The following PRDM1 variants were observed in gnomAD, a reference collection of about 807,000 sequenced individuals.
The protein encoded by PRDM1 is PR/SET domain 1, also known as PR domain zinc finger protein 1.
A neutral mutation model predicts 62.8 loss-of-function variants in PRDM1; 13 were observed. The ratio of observed to expected loss-of-function variants is 0.21; its 90% CI spans 0.13 to 0.33. The LOEUF (loss-of-function observed/expected upper bound fraction) is 0.33, where lower values mean the gene tolerates loss of function less well. Ranked by LOEUF, PRDM1 falls within the 10% of genes least tolerant of loss-of-function variation. PRDM1 has a pLI of 1.00. For synonymous variants in PRDM1, 396 were observed against 417.6 expected (o/e 0.95, Z 0.63); for missense variants, 895 against 1,058.8 (o/e 0.85, Z 2.15).
chr6:106,008,234 G>C (rs1238676406), intron 1 of PRDM1, among the ~76,000 whole-genome samples: 1 of 152,158 alleles, frequency 6.6e-6, no homozygotes, highest in African/African-American at 2.4e-5. Flanking sequence ...TTAGCTGGGC[G>C]TGGTGGCGCG....
chr6:106,031,929 A>G (rs1010377587), intron 1 of PRDM1, among the ~76,000 whole-genome samples: 2 of 152,018 alleles, frequency 1.3e-5, no homozygotes, highest in African/African-American at 2.4e-5. Flanking sequence ...TGCCCAGACC[A>G]TAGCTGTCTC....
chr6:106,000,362 C>T lies in PRDM1; in HGVS notation c.-67+6723C>T, dbSNP rs1444135610. ...GAGGCAGAGGCTGAGGTAGGAGGAT[C>T]GCTTGAAGCCAGAGGTTCAAGGCTG... On this transcript the variant is annotated intron_variant, in intron 1 of 6. Coordinates refer to the PRDM1 transcript ENST00000652320. 5.3e-5 allele frequency among the ~76,000 whole-genome samples: 8 copies of T among 152,258 alleles called. No homozygotes were observed. In the East Asian group the frequency reaches 9.6e-4, roughly 18 times the overall value.
intron 2 of PRDM1, among the ~76,000 whole-genome samples, chr6:106,090,949 T>C (rs1370559138): frequency 6.6e-6 from 1 of 152,150 alleles, no homozygotes; most frequent in Non-Finnish European, 1.5e-5. Context: ...ATTTTTAGAT[T>C]GGGTTTAGAA....
At chr6:106,044,042 C>A (rs956807056), upstream of PRDM1, among the ~76,000 whole-genome samples, 2 of 152,066 alleles carry the variant, frequency 1.3e-5, no homozygotes, top group African/African-American at 4.8e-5. Context: ...CCTCCTTAAC[C>A]CCACTATATG....
chr6:106,031,900 G>A (rs1472605798), intron 1 of PRDM1, among the ~76,000 whole-genome samples: 1 of 151,970 alleles, frequency 6.6e-6, no homozygotes, highest in Non-Finnish European at 1.5e-5. Context: ...TCCCAGTTTT[G>A]TTTTTTTAAC....
intron 1 of PRDM1, among the ~76,000 whole-genome samples, chr6:106,065,308 T>C (rs1773415919): frequency 6.6e-6 from 1 of 152,164 alleles, no homozygotes; most frequent in South Asian, 2.1e-4. Flanking sequence ...ATATATTATT[T>C]ATTCAACAAA....
At chr6:106,071,763 C>T (rs1184022636) in intron 1 of PRDM1, among the ~76,000 whole-genome samples, 1 of 148,906 alleles carries the variant, frequency 6.7e-6, no homozygotes, top group Non-Finnish European at 1.5e-5. Context: ...GAATGTTCCA[C>T]AACCACAGTA....
chr6:106,105,059 C>A lies in PRDM1; in HGVS notation c.899C>A (p.Pro300His), dbSNP rs1364990863. ...CCCTTCTACCCTCGGGTCGTTTACC[C>A]CATCCGGGCCCCTCTGCCAGAAGAC... is the stretch of plus-strand genomic sequence containing the variant. ...EMPFYPRVVY[P>H]IRAPLPEDFL... Residue 300 changes from proline to histidine, a missense_variant, in exon 5 of 7, where the codon CCC becomes CAC. Pro to His is a moderately conservative substitution (Grantham distance 77, BLOSUM62 -2). Transcript: ENST00000369096. 1 of 1,614,040 alleles carries A rather than the reference C, an allele frequency of 6.2e-7. No individual in the cohort carries two copies. The highest frequency in any genetic ancestry group is 1.3e-5 in the African/African-American group (1 of 74,912).
intron 1 of PRDM1, among the ~76,000 whole-genome samples, chr6:106,009,638 A>T (rs1364518023): frequency 6.6e-6 from 1 of 152,188 alleles, no homozygotes; most frequent in Non-Finnish European, 1.5e-5. Flanking sequence ...TATGAGAGAG[A>T]GCCCTGAAAC....
At chr6:105,997,256 A>G (rs996981723) in intron 1 of PRDM1, among the ~76,000 whole-genome samples, 3 of 152,168 alleles carry the variant, frequency 2.0e-5, no homozygotes, top group African/African-American at 7.2e-5. Context: ...CTACCTTTTA[A>G]TAGAATCTCT....
chr6:106,070,986 A>C (rs1276304090), intron 1 of PRDM1, among the ~76,000 whole-genome samples: 2 of 152,168 alleles, frequency 1.3e-5, no homozygotes, highest in African/African-American at 4.8e-5. Flanking sequence ...AATGCATCTT[A>C]TTGGCCTGAT....
rs976172531 is a variant in PRDM1, at chr6:105,994,914, C to T, written c.-67+1275C>T. 1.3e-5 allele frequency among the ~76,000 whole-genome samples: 2 copies of T among 152,180 alleles called. No homozygotes were observed. The highest frequency in any genetic ancestry group is 2.9e-5 in the Non-Finnish European group (2 of 68,022). On this transcript the variant is annotated intron_variant, in intron 1 of 6. Transcript: ENST00000652320. The surrounding 1 kb of genome is among the most constrained non-coding windows in gnomAD (Gnocchi z 4.1). Reference sequence around the variant, plus strand: ...ACGGCGCGCTTGTCGCGGGAGCCTCCCGGCTTGCGGAGGGCTTGAGTTTTT... The same window carrying T: ...ACGGCGCGCTTGTCGCGGGAGCCTCTCGGCTTGCGGAGGGCTTGAGTTTTT...
intron 1 of PRDM1, among the ~76,000 whole-genome samples, chr6:106,040,908 C>T (rs952063811): frequency 6.6e-6 from 1 of 152,182 alleles, no homozygotes; most frequent in African/African-American, 2.4e-5. Context: ...GTCACTGTTA[C>T]AGGTCTTAAT....
At chr6:106,053,821 A>AC (rs1322955359) in intron 1 of PRDM1, among the ~76,000 whole-genome samples, 5 of 86,240 alleles carry the variant, frequency 5.8e-5, no homozygotes, top group African/African-American at 4.5e-5. Flanking sequence ...TGTGCCCACC[A>AC]CCCCCCAGCC....
chr6:106,032,630 G>T (rs1772860885), intron 1 of PRDM1, among the ~76,000 whole-genome samples: 2 of 151,862 alleles, frequency 1.3e-5, no homozygotes, highest in African/African-American at 2.4e-5. Flanking sequence ...TAGAGATGGG[G>T]TTCACCATGT....
chr6:106,041,809 CTTTTTTTTTT>C (rs537352355), intron 1 of PRDM1, among the ~76,000 whole-genome samples: 1 of 129,880 alleles, frequency 7.7e-6, no homozygotes, highest in East Asian at 2.1e-4. Context: ...GTATTTCTTT[CTTTTTTTTTT>C]TTTTTTTTGA....
At chr6:106,014,614 A>G (rs1282074525) in intron 1 of PRDM1, among the ~76,000 whole-genome samples, 2 of 151,200 alleles carry the variant, frequency 1.3e-5, no homozygotes, top group East Asian at 3.9e-4. Context: ...TTTATTGTAC[A>G]TCAATAAAAC....
intron 1 of PRDM1, among the ~76,000 whole-genome samples, chr6:105,995,369 T>C (rs1772336604): frequency 6.6e-6 from 1 of 152,214 alleles, no homozygotes. Flanking sequence ...AGGAAAAGTG[T>C]TTTTTAAAGT....
At chr6:106,043,440 T>A (rs1773030293) in intron 1 of PRDM1, among the ~76,000 whole-genome samples, 1 of 152,204 alleles carries the variant, frequency 6.6e-6, no homozygotes, top group Non-Finnish European at 1.5e-5. Context: ...ACTGAATGAA[T>A]GAATGAATAA....
Sources: allele counts gnomAD v4.1 joint callset (sites outside exome capture counted in the v4.1 genomes callset), GRCh38; gene constraint gnomAD v4.1.1; non-coding constraint Gnocchi (gnomAD v3.1); transcripts MANE v1.5; gene names NCBI Gene and HGNC (gene_info 2026-07-23, HGNC 2026-07-21).